CDH4: variants seen among roughly 807,000 people sequenced by gnomAD.
CDH4 encodes the protein cadherin-4.
CDH4 carries 33 observed loss-of-function variants against 86.0 expected under a neutral mutation model. The ratio of observed to expected loss-of-function variants is 0.38; its 90% CI spans 0.29 to 0.51. The LOEUF (loss-of-function observed/expected upper bound fraction) is 0.51. Among genes scored for constraint, CDH4 ranks in the 20% least tolerant of loss-of-function variants. The probability of loss-of-function intolerance (pLI) is 0.86; values close to 1 mark genes in which losing one functional copy is unlikely to be tolerated. For synonymous variants in CDH4, 555 were observed against 549.4 expected (o/e 1.01, Z -0.14); for missense variants, 1,114 against 1,307.4 (o/e 0.85, Z 2.28).
At chr20:61,693,379 G>T (rs1017222933) in intron 2 of CDH4, among the ~76,000 whole-genome samples, 41 of 152,356 alleles carry the variant, frequency 2.7e-4, no homozygotes, top group African/African-American at 9.4e-4. Context: ...GAGTGTGTAA[G>T]GGGAGCGGCT....
chr20:61,348,701 G>A (rs2084693359), intron 2 of CDH4, among the ~76,000 whole-genome samples: 1 of 152,214 alleles, frequency 6.6e-6, no homozygotes, highest in South Asian at 2.1e-4. Context: ...GCCCTGGGCA[G>A]GTGGACGAGT....
intron 2 of CDH4, among the ~76,000 whole-genome samples, chr20:61,726,245 G>A (rs141223167): frequency 6.6e-5 from 10 of 152,064 alleles, no homozygotes; most frequent in African/African-American, 1.9e-4. Context: ...GCTGGGAGCC[G>A]CCAGTGACCA....
intron 2 of CDH4, among the ~76,000 whole-genome samples, chr20:61,549,617 C>A (rs890441445): frequency 6.6e-6 from 1 of 152,190 alleles, no homozygotes; most frequent in African/African-American, 2.4e-5. Context: ...GCCTCTTTAT[C>A]CCTCATCCAT....
chr20:61,337,251 A>ATGATGG, intron 2 of CDH4, among the ~76,000 whole-genome samples: 1 of 18,658 alleles, frequency 5.4e-5, no homozygotes, highest in Non-Finnish European at 1.4e-4. Flanking sequence ...GGTGGTGAAG[A>ATGATGG]TGATGGTGAT....
At chr20:61,857,521 G>A (rs1983072138) in intron 6 of CDH4, among the ~76,000 whole-genome samples, 2 of 152,222 alleles carry the variant, frequency 1.3e-5, no homozygotes, top group East Asian at 1.9e-4. Context: ...AGTTTCCAGC[G>A]AGGCCTGAGG....
At chr20:61,785,610 A>ACAGGGCCCCCACCCAGGTTTG (rs1978837435) in intron 4 of CDH4, among the ~76,000 whole-genome samples, 2 of 151,490 alleles carry the variant, frequency 1.3e-5, no homozygotes, top group African/African-American at 2.4e-5. Context: ...ACCCAGGTGG[A>ACAGGGCCCCCACCCAGGTTTG]CAGGGCCCCC....
intron 4 of CDH4, among the ~76,000 whole-genome samples, chr20:61,802,009 G>A (rs1465880358): frequency 6.6e-6 from 1 of 152,256 alleles, no homozygotes; most frequent in Non-Finnish European, 1.5e-5. Flanking sequence ...AGAATGCCAT[G>A]GAGTTCCCAG....
intron 15 of CDH4, 73 bp from the exon 16 acceptor site, chr20:61,936,664 G>A (rs766831055): frequency 3.2e-5 from 41 of 1,289,770 alleles, no homozygotes; most frequent in Middle Eastern, 2.4e-4. Flanking sequence ...TCTGGGCCTC[G>A]CTTTCCGTTC....
chr20:61,906,125 A>G (rs1053820348), intron 8 of CDH4, among the ~76,000 whole-genome samples: 1 of 152,244 alleles, frequency 6.6e-6, no homozygotes, highest in African/African-American at 2.4e-5. Context: ...GACTTAGGTC[A>G]TTAGCCTATT....
At chr20:61,505,038 A>G (rs759047792) in intron 2 of CDH4, among the ~76,000 whole-genome samples, 5 of 152,134 alleles carry the variant, frequency 3.3e-5, no homozygotes, top group African/African-American at 9.7e-5. Flanking sequence ...GCTCTTTAAC[A>G]TTTTGCTTAA....
At chr20:61,531,428 G>A (rs8123475) in intron 2 of CDH4, among the ~76,000 whole-genome samples, 8,647 of 142,866 alleles carry the variant, frequency 0.061, 312 homozygotes, top group African/African-American at 0.083. Context: ...AGCCAAGATC[G>A]TGCCATTGCA....
chr20:61,773,954 G>A (rs994816384), intron 4 of CDH4, among the ~76,000 whole-genome samples: 1 of 152,218 alleles, frequency 6.6e-6, no homozygotes, highest in African/African-American at 2.4e-5. Context: ...AGAGATGGGA[G>A]GAAGAGAGCA....
chr20:61,935,933 T>C (rs901366392), intron 15 of CDH4, among the ~76,000 whole-genome samples: 2 of 152,024 alleles, frequency 1.3e-5, no homozygotes, highest in Non-Finnish European at 2.9e-5. Flanking sequence ...AGATAGGTCT[T>C]AGGAGAAATT....
At chr20:61,808,922 C>T (rs1448283441) in intron 4 of CDH4, among the ~76,000 whole-genome samples, 1 of 152,206 alleles carries the variant, frequency 6.6e-6, no homozygotes, top group Non-Finnish European at 1.5e-5. Flanking sequence ...ACAACAACAG[C>T]AAGTCAGTAG....
chr20:61,923,095 A>T lies in CDH4; in HGVS notation c.1375-356A>T, dbSNP rs1006257180. ...CAACGTCAGGAGCCTTCCCCACACT[A>T]GGCTCAAAGGAGGAAGGTAGGGACG... On this transcript the variant is annotated intron_variant, in intron 9 of 15. Coordinates refer to ENST00000614565, the MANE Select transcript of CDH4 (RefSeq NM_001794.5). Among the ~76,000 whole-genome samples the T allele has an allele frequency of 2.6e-5, 4 of 152,310 alleles. No individual in the cohort carries two copies. In the South Asian group the frequency reaches 8.3e-4, roughly 32 times the overall value.
At chr20:61,321,436 C>G (rs1418752257) in intron 2 of CDH4, among the ~76,000 whole-genome samples, 2 of 144,764 alleles carry the variant, frequency 1.4e-5, no homozygotes. Context: ...AAAAATATAG[C>G]CTTGGAATGC....
chr20:61,638,705 T>C (rs2086974647), intron 2 of CDH4, among the ~76,000 whole-genome samples: 1 of 152,206 alleles, frequency 6.6e-6, no homozygotes, highest in Admixed American at 6.5e-5. Flanking sequence ...GTTAAATCCT[T>C]TGAAAATGGG....
Position 61,924,414 on chromosome 20 carries a change from A to G in CDH4, c.1709A>G (p.Asp570Gly). 2 of 1,613,762 alleles carry G rather than the reference A, an allele frequency of 1.2e-6. No homozygotes were observed. Among genetic ancestry groups the G allele is most frequent in the Non-Finnish European group, 8.5e-7 (1 of 1,179,930 alleles). Reference protein sequence around the residue: ...NGQITTAAVLDRESLYTKNNV... With the variant: ...NGQITTAAVLGRESLYTKNNV... ...CAGATCACCACGGCGGCAGTGCTGG[A>G]CCGTGAGTCCCTCTACACCAAAAAC... Residue 570 changes from aspartate (D) to glycine (G), a missense_variant, in exon 11 of 16, where the codon GAC becomes GGC. By Grantham distance (94) the Asp-to-Gly change is moderately conservative (BLOSUM62 -1). This residue lies in a region of CDH4 where 705 missense variants were observed against 914.1 expected (regional missense o/e 0.77). Coordinates refer to ENST00000614565, the MANE Select transcript of CDH4 (RefSeq NM_001794.5).
At chr20:61,382,516 C>A (rs1251546849) in intron 2 of CDH4, among the ~76,000 whole-genome samples, 1 of 152,238 alleles carries the variant, frequency 6.6e-6, no homozygotes, top group Non-Finnish European at 1.5e-5. Flanking sequence ...GTGACACCTT[C>A]TATTGGCTTC....
Sources: allele counts gnomAD v4.1 joint callset (sites outside exome capture counted in the v4.1 genomes callset), GRCh38; gene constraint gnomAD v4.1.1; regional missense constraint gnomAD v4.1.1; transcripts MANE v1.5; gene names NCBI Gene and HGNC (gene_info 2026-07-23, HGNC 2026-07-21).